Variants in PHF24 observed in about 807,000 individuals in gnomAD.
PHF24 encodes PHD finger protein 24.
Under a neutral mutation model 42.6 loss-of-function variants are expected in PHF24, and 25 were observed. That is an observed-to-expected ratio of 0.59 (90% confidence interval 0.43 to 0.82). PHF24 has a LOEUF of 0.82. Among genes scored for constraint, PHF24 ranks in the 40% least tolerant of loss-of-function variants. The pLI, the probability that PHF24 is intolerant of heterozygous loss-of-function variation, is 0.00. For synonymous variants in PHF24, 185 were observed against 204.8 expected (o/e 0.90, Z 0.83); for missense variants, 470 against 538.1 (o/e 0.87, Z 1.25).
the PHF24 span, among the ~76,000 whole-genome samples, chr9:34,890,073 T>C: frequency 6.6e-6 from 1 of 152,310 alleles, no homozygotes; most frequent in East Asian, 1.9e-4. Flanking sequence ...GCTCCGCAGA[T>C]CCAGACAGAT....
chr9:34,930,213 T>G, the PHF24 span, among the ~76,000 whole-genome samples: 1 of 152,322 alleles, frequency 6.6e-6, no homozygotes, highest in Middle Eastern at 3.4e-3. Context: ...CTCAGTGTAC[T>G]TAAGTGGTGC....
At chr9:34,872,554 GC>G in the PHF24 span, among the ~76,000 whole-genome samples, 2,672 of 149,762 alleles carry the variant, frequency 0.018, 87 homozygotes, top group African/African-American at 0.062. Flanking sequence ...TTTTATGGCT[GC>G]ATAGTATTCC....
the PHF24 span, among the ~76,000 whole-genome samples, chr9:34,772,813 C>G: frequency 1.3e-5 from 2 of 152,178 alleles, no homozygotes; most frequent in South Asian, 4.2e-4. Flanking sequence ...CCAGTATAAC[C>G]TCATGTTTAG....
At chr9:34,977,384 C>G in intron 6 of PHF24, 141 bp downstream of exon 6, 1 of 1,222,304 alleles carries the variant, frequency 8.2e-7, no homozygotes, top group Non-Finnish European at 1.2e-6. Flanking sequence ...GATGGTGATG[C>G]CTACGGGCCA....
At chr9:34,833,010 G>A in the PHF24 span, 13 of 1,551,470 alleles carry the variant, frequency 8.4e-6, no homozygotes, top group East Asian at 4.9e-5. Context: ...CGGCTCCATC[G>A]CCAGGACCCT....
the PHF24 span, chr9:34,709,086 C>A: frequency 6.3e-6 from 3 of 474,970 alleles, no homozygotes; most frequent in South Asian, 9.9e-5. Flanking sequence ...TACTGGGGAG[C>A]CGTATCAGGT....
chr9:34,905,104 G>A, the PHF24 span, among the ~76,000 whole-genome samples: 1 of 152,114 alleles, frequency 6.6e-6, no homozygotes, highest in Non-Finnish European at 1.5e-5. Flanking sequence ...TTTAGTTACA[G>A]TGGATCCATC....
upstream of PHF24, among the ~76,000 whole-genome samples, chr9:34,953,161 A>T (rs1208530965): frequency 1.3e-5 from 2 of 152,240 alleles, no homozygotes; most frequent in African/African-American, 4.8e-5. This position sits in a 1 kb window ranked among gnomAD's most constrained non-coding sequence, Gnocchi z 4.1. Context: ...TGCAAAAGAC[A>T]CGGTCAAGAG....
chr9:34,774,449 G>T, the PHF24 span, among the ~76,000 whole-genome samples: 2 of 152,218 alleles, frequency 1.3e-5, no homozygotes, highest in African/African-American at 4.8e-5. Context: ...AAAGACTTGA[G>T]AAGGCATTTC....
At chr9:34,895,236 A>G in the PHF24 span, among the ~76,000 whole-genome samples, 2 of 151,922 alleles carry the variant, frequency 1.3e-5, no homozygotes, top group Admixed American at 6.6e-5. Context: ...TTTTCACCCC[A>G]AGAGTTTTCT....
the PHF24 span, among the ~76,000 whole-genome samples, chr9:34,803,468 G>A: frequency 6.6e-6 from 1 of 152,060 alleles, no homozygotes; most frequent in African/African-American, 2.4e-5. Context: ...GAAAGGCCAA[G>A]GTTAGGTCAG....
chr9:34,832,020 T>C, the PHF24 span, among the ~76,000 whole-genome samples: 1 of 152,220 alleles, frequency 6.6e-6, no homozygotes, highest in East Asian at 1.9e-4. Flanking sequence ...AATTGTGGGT[T>C]AAAGCTCCTT....
At chr9:34,929,057 C>A in the PHF24 span, among the ~76,000 whole-genome samples, 1 of 152,294 alleles carries the variant, frequency 6.6e-6, no homozygotes, top group South Asian at 2.1e-4. Flanking sequence ...TTCCCTCCCC[C>A]ACCTCCATGT....
At chr9:34,911,519 C>T in the PHF24 span, among the ~76,000 whole-genome samples, 7 of 151,992 alleles carry the variant, frequency 4.6e-5, no homozygotes, top group South Asian at 2.1e-4. Flanking sequence ...CCCAAAGTGC[C>T]GGGATTACAG....
the PHF24 span, chr9:34,709,370 C>T: frequency 2.7e-5 from 43 of 1,604,720 alleles, no homozygotes; most frequent in Admixed American, 7.4e-4. Context: ...GTGGGGTCTC[C>T]AGGGCTCCAG....
At chr9:34,781,701 T>C in the PHF24 span, among the ~76,000 whole-genome samples, 1 of 151,956 alleles carries the variant, frequency 6.6e-6, no homozygotes, top group East Asian at 1.9e-4. Context: ...ATGTGGATTA[T>C]ATCTCAGTAA....
chr9:34,817,958 G>T, the PHF24 span, among the ~76,000 whole-genome samples: 1 of 152,040 alleles, frequency 6.6e-6, no homozygotes, highest in Non-Finnish European at 1.5e-5. Flanking sequence ...TACCACACTG[G>T]TGCTATTCTA....
the PHF24 span, chr9:34,832,539 G>A: frequency 1.3e-6 from 2 of 1,529,816 alleles, no homozygotes; most frequent in Non-Finnish European, 1.8e-6. Flanking sequence ...CTTGGCTGGA[G>A]CCAGGCTCTT....
At chr9:34,860,314 G>A in the PHF24 span, among the ~76,000 whole-genome samples, 3 of 152,146 alleles carry the variant, frequency 2.0e-5, no homozygotes, top group African/African-American at 7.2e-5. Flanking sequence ...GCTCCATCTT[G>A]ACTGCAAGTG....
Sources: allele counts gnomAD v4.1 joint callset (sites outside exome capture counted in the v4.1 genomes callset), GRCh38; gene constraint gnomAD v4.1.1; non-coding constraint Gnocchi (gnomAD v3.1); transcripts MANE v1.5; gene names NCBI Gene and HGNC (gene_info 2026-07-23, HGNC 2026-07-21).